The following MAF variants were observed in gnomAD, a reference collection of about 807,000 sequenced individuals.
MAF encodes the protein MAF bZIP transcription factor.
A neutral mutation model predicts 22.0 loss-of-function variants in MAF; 10 were observed. The ratio of observed to expected loss-of-function variants is 0.45; its 90% CI spans 0.28 to 0.77. The LOEUF (loss-of-function observed/expected upper bound fraction) is 0.77, where lower values mean the gene tolerates loss of function less well. Ranked by LOEUF, MAF falls within the 30% of genes least tolerant of loss-of-function variation. The probability of loss-of-function intolerance (pLI) is 0.12; values close to 1 mark genes in which losing one functional copy is unlikely to be tolerated. For synonymous variants in MAF, 337 were observed against 255.8 expected (o/e 1.32, Z -3.03); for missense variants, 544 against 548.4 (o/e 0.99, Z 0.08).
At chr16:79,498,693 A>T in the MAF span, among the ~76,000 whole-genome samples, 287 of 152,330 alleles carry the variant, frequency 1.9e-3, no homozygotes, top group South Asian at 2.9e-3. Flanking sequence ...TGGTTAGTGG[A>T]AGAGCTGGGA....
chr16:79,374,649 C>G, the MAF span, among the ~76,000 whole-genome samples: 3 of 152,154 alleles, frequency 2.0e-5, no homozygotes, highest in African/African-American at 7.2e-5. Flanking sequence ...CCTGTGGTCT[C>G]CCAGGGGAGA....
intron 1 of MAF, chr16:79,595,655 GC>G: frequency 9.5e-7 from 1 of 1,057,790 alleles, no homozygotes; most frequent in Non-Finnish European, 1.1e-6. Flanking sequence ...CTTTAAGTCA[GC>G]CCCCATACAC....
chr16:79,478,335 A>T, the MAF span, among the ~76,000 whole-genome samples: 2 of 152,198 alleles, frequency 1.3e-5, no homozygotes, highest in Admixed American at 6.5e-5. Flanking sequence ...GATGTGGTAG[A>T]GTCTACAGGA....
chr16:79,207,732 T>C, the MAF span, among the ~76,000 whole-genome samples: 2 of 152,196 alleles, frequency 1.3e-5, no homozygotes, highest in African/African-American at 4.8e-5. Context: ...CATGTGTCCC[T>C]GTGAGTATTA....
the MAF span, among the ~76,000 whole-genome samples, chr16:79,313,962 C>G: frequency 6.6e-6 from 1 of 152,186 alleles, no homozygotes; most frequent in South Asian, 2.1e-4. Flanking sequence ...GATTAAATAA[C>G]TAAGAATAAA....
At chr16:79,237,972 C>G in the MAF span, among the ~76,000 whole-genome samples, 6,959 of 152,156 alleles carry the variant, frequency 0.046, 337 homozygotes, top group African/African-American at 0.12. Context: ...AGACGGGAAT[C>G]TTCCTCCTGA....
chr16:79,228,165 A>G, the MAF span, among the ~76,000 whole-genome samples: 32 of 152,176 alleles, frequency 2.1e-4, no homozygotes, highest in East Asian at 6.2e-3. Flanking sequence ...TGCCTCCCAA[A>G]GGGAGGTTGG....
At chr16:79,322,733 C>T in the MAF span, among the ~76,000 whole-genome samples, 4 of 151,646 alleles carry the variant, frequency 2.6e-5, no homozygotes, top group African/African-American at 7.3e-5. Context: ...ACTTGAAGGT[C>T]GTGGCAGGGG....
intron 1 of MAF, among the ~76,000 whole-genome samples, chr16:79,587,868 A>AAG (rs1912943645): frequency 1.3e-5 from 1 of 79,180 alleles, no homozygotes. Context: ...TTACTTTCAA[A>AAG]AGGGGGGGGG....
At chr16:79,432,789 G>A in the MAF span, among the ~76,000 whole-genome samples, 2 of 152,072 alleles carry the variant, frequency 1.3e-5, no homozygotes, top group African/African-American at 4.8e-5. Context: ...TGGAGATCAG[G>A]CGATGCATGT....
At chr16:79,324,415 A>G in the MAF span, among the ~76,000 whole-genome samples, 1 of 152,168 alleles carries the variant, frequency 6.6e-6, no homozygotes, top group Non-Finnish European at 1.5e-5. Flanking sequence ...GACTTTCATT[A>G]TATTCGGATT....
At chr16:79,528,831 A>G in the MAF span, among the ~76,000 whole-genome samples, 7 of 152,174 alleles carry the variant, frequency 4.6e-5, no homozygotes, top group Non-Finnish European at 1.0e-4. Context: ...CTACTCAGAG[A>G]TTCTCAGAAA....
At chr16:79,465,141 A>T in the MAF span, among the ~76,000 whole-genome samples, 2 of 152,168 alleles carry the variant, frequency 1.3e-5, no homozygotes, top group Non-Finnish European at 2.9e-5. Context: ...TCTATGGGGA[A>T]TTGGTTCCAG....
the MAF span, among the ~76,000 whole-genome samples, chr16:79,214,858 C>G: frequency 6.7e-6 from 1 of 149,956 alleles, no homozygotes; most frequent in Non-Finnish European, 1.5e-5. Context: ...TTACAGGTGC[C>G]CACAACCACA....
the MAF span, among the ~76,000 whole-genome samples, chr16:79,248,778 C>T: frequency 7.0e-6 from 1 of 142,646 alleles, no homozygotes; most frequent in Non-Finnish European, 1.5e-5. Flanking sequence ...TTGAAATTAA[C>T]ACAATGTGTC....
the MAF span, among the ~76,000 whole-genome samples, chr16:79,560,868 G>A: frequency 5.3e-5 from 8 of 152,140 alleles, no homozygotes; most frequent in Admixed American, 3.3e-4. Flanking sequence ...CGGGAAATAG[G>A]GGGAACACAC....
the MAF span, among the ~76,000 whole-genome samples, chr16:79,391,905 G>GAGGAGAAGGAGGAGGAGGAGA: frequency 6.8e-6 from 1 of 146,648 alleles, no homozygotes. Context: ...GGAGCAGGAG[G>GAGGAGAAGGAGGAGGAGGAGA]AGGAGAAGGA....
At chr16:79,458,157 G>C in the MAF span, among the ~76,000 whole-genome samples, 5 of 68,422 alleles carry the variant, frequency 7.3e-5, no homozygotes, top group African/African-American at 1.6e-4. Context: ...TCTTTGCTGT[G>C]TGACTACTCA....
the MAF span, among the ~76,000 whole-genome samples, chr16:79,381,328 G>C: frequency 1.9e-3 from 288 of 152,336 alleles, no homozygotes; most frequent in African/African-American, 6.7e-3. Context: ...ATAGGTCAGA[G>C]AGTCAGACGG....
Sources: allele counts gnomAD v4.1 joint callset (sites outside exome capture counted in the v4.1 genomes callset), GRCh38; gene constraint gnomAD v4.1.1; transcripts MANE v1.5; gene names NCBI Gene and HGNC (gene_info 2026-07-23, HGNC 2026-07-21).